Variants in IFT172 observed in about 807,000 individuals in gnomAD.
The protein encoded by IFT172 is intraflagellar transport 172.
A neutral mutation model predicts 248.9 loss-of-function variants in IFT172; 164 were observed. The observed-to-expected ratio is 0.66, with a 90% confidence interval of 0.58 to 0.75. IFT172 has a LOEUF of 0.75. IFT172 is among the 30% of genes least tolerant of loss of function. The pLI is 0.00. For missense variants in IFT172, 1,950 were observed against 2,192.4 expected, an observed-to-expected ratio of 0.89 and a Z score of 2.21; for synonymous variants, 729 against 791.6, an observed-to-expected ratio of 0.92 and a Z score of 1.33.
At chr2:27,453,765 GGGCA>G in intron 33 of IFT172, 26 bp from the exon 34 acceptor site, 1 of 1,599,682 alleles carries the variant, frequency 6.3e-7, no homozygotes, top group Non-Finnish European at 8.5e-7. Flanking sequence ...GGTATCAAGA[GGGCA>G]GAGGCAGGCC....
In IFT172 at chr2:27,445,400, T is replaced by A; in HGVS notation, c.4964A>T (p.Asp1655Val). Residue 1655 changes from aspartate (D) to valine (V), a missense_variant, in exon 46 of 48, where the codon GAC becomes GTC. By Grantham distance (152) the Asp-to-Val change is radical. Around this residue, in one of 3 missense-constraint regions of IFT172, gnomAD observed 620 missense variants for 699.0 expected, o/e 0.89. Transcript: ENST00000260570. The surrounding 1 kb of genome is among the most constrained non-coding windows in gnomAD (Gnocchi z 4.4). ...VRDWVLTVSMDQRLEQVLPRD... is the reference protein window; with the variant it reads ...VRDWVLTVSMVQRLEQVLPRD... ...AGGCAGAACCTGCTCCAGCCGCTGGTCCATGGAGACTGTAAGCACCCAGTC... is the reference window on the plus strand; with the variant it reads ...AGGCAGAACCTGCTCCAGCCGCTGGACCATGGAGACTGTAAGCACCCAGTC... 2 of 1,612,662 alleles carry A rather than the reference T, an allele frequency of 1.2e-6. No individual in the cohort carries two copies.
rs1666785241 is a variant in IFT172 at position 27,462,805 on chromosome 2, A to G, written c.2023-12T>C. The G allele has an allele frequency of 6.2e-7, 1 of 1,613,658 alleles. No homozygotes were observed. Among genetic ancestry groups the G allele is most frequent in the Non-Finnish European group, 8.5e-7 (1 of 1,179,594 alleles). ...GTTCCTTCTCCGCCCTGTGGGGGAAAAAGGAGGTTCTGATTTTTCTGTAGG... is the reference window on the plus strand; with the variant it reads ...GTTCCTTCTCCGCCCTGTGGGGGAAGAAGGAGGTTCTGATTTTTCTGTAGG... On this transcript the variant is annotated splice_polypyrimidine_tract_variant and intron_variant, in intron 19 of 47. Coordinates refer to ENST00000260570, the MANE Select transcript of IFT172 (RefSeq NM_015662.3).
At chr2:27,482,674 A>G (rs1016428787) in intron 7 of IFT172, among the ~76,000 whole-genome samples, 1 of 151,494 alleles carries the variant, frequency 6.6e-6, no homozygotes, top group Non-Finnish European at 1.5e-5. Context: ...TCCCCTTTCC[A>G]GAGTAAACTA....
Position 27,465,776 on chromosome 2 carries a change from C to T in IFT172, c.1799G>A (p.Gly600Glu). 1 of 1,614,112 alleles carries T rather than the reference C, an allele frequency of 6.2e-7. No homozygotes were observed. ...YTLDEGLIEF[G>E]TAIDDGNYIR... The stretch of plus-strand genomic sequence containing the variant: ...GTAGTTGCCATCATCAATGGCTGTT[C>T]CAAACTCGATGAGGCCCTCATCCAA... Residue 600 changes from glycine (G) to glutamate (E), a missense_variant, in exon 17 of 48, where the codon GGA (glycine) becomes GAA (glutamate). This residue lies in a region of IFT172 where 1,166 missense variants were observed against 1,254.1 expected (regional missense o/e 0.93). Transcript: ENST00000260570.
rs745627573 is a variant in IFT172, at chr2:27,480,211, T to G, written c.786-62A>C. On this transcript the variant is annotated intron_variant, in intron 8 of 47. Transcript: ENST00000260570. ...GCTGAGCTAAAGAGTGCAAATGGGC[T>G]GATAACCAAAGGAAATTAGTCTTGC... is the stretch of plus-strand genomic sequence containing the variant. 9 of 1,533,968 alleles carry G rather than the reference T, an allele frequency of 5.9e-6. No individual in the cohort carries two copies. The Admixed American group carries it at 1.7e-4, about 28-fold the overall frequency.
At chr2:27,449,845 G>T in intron 36 of IFT172, 45 bp from the exon 37 acceptor site, 1 of 1,503,936 alleles carries the variant, frequency 6.6e-7, no homozygotes, top group Non-Finnish European at 9.2e-7. Context: ...CTCGCTCCCA[G>T]TCTTCCCACT....
In IFT172 at chr2:27,453,555, C is replaced by CA. The variant is rs770006617; in HGVS notation, c.3822-43dup. 14 of 1,610,938 alleles carry CA rather than the reference C, an allele frequency of 8.7e-6. No individual in the cohort carries two copies. The East Asian group carries it at 2.7e-4, about 31-fold the overall frequency. ...GCTGGGACTTGGCATGGTAGGGGGGCAGCATGCTCTATCCTGTGTATGCCT... is the reference window on the plus strand; with the variant it reads ...GCTGGGACTTGGCATGGTAGGGGGGCAAGCATGCTCTATCCTGTGTATGCCT... On this transcript the variant is annotated intron_variant, in intron 34 of 47. Transcript: ENST00000260570.
chr2:27,468,766 A>G (rs1368718177), intron 16 of IFT172, among the ~76,000 whole-genome samples: 10 of 150,636 alleles, frequency 6.6e-5, no homozygotes, highest in Non-Finnish European at 1.3e-4. Context: ...GGAGAATGGC[A>G]TGAACCCAGG....
At position 27,489,734 on chromosome 2, in the gene IFT172, G is replaced by A. The variant is rs935375511; in HGVS notation, c.-81C>T. The stretch of plus-strand genomic sequence containing the variant: ...GGACAACCCGCCACGCAGCCGCAGC[G>A]ACAGGCACTGACGCTTATGCGACCG... On this transcript the variant is annotated 5_prime_UTR_variant, in exon 1 of 48. Coordinates refer to ENST00000260570, the MANE Select transcript of IFT172 (RefSeq NM_015662.3). 13 of 1,069,614 alleles carry A rather than the reference G, an allele frequency of 1.2e-5. No homozygotes were observed. Among genetic ancestry groups the A allele is most frequent in the Non-Finnish European group, 1.7e-5 (12 of 703,522 alleles). The allele number at this position is 1,069,614 out of a possible 1,614,324, so 66.3% of individuals were successfully genotyped here. A position where few individuals can be genotyped will look rare whatever the true frequency, so the allele number is the denominator to read the frequency against.
chr2:27,450,276 C>G (rs537691270), intron 35 of IFT172, among the ~76,000 whole-genome samples, 180 bp from the exon 36 acceptor site: 7 of 152,328 alleles, frequency 4.6e-5, no homozygotes, highest in Non-Finnish European at 8.8e-5. Context: ...CTTTGATTAG[C>G]CATCAGTGGA....
chr2:27,464,191 T>C (rs1389294819), intron 18 of IFT172, among the ~76,000 whole-genome samples: 1 of 152,158 alleles, frequency 6.6e-6, no homozygotes, highest in Non-Finnish European at 1.5e-5. Flanking sequence ...ACTGATAATC[T>C]ACATGTGGGA....
intron 21 of IFT172, 87 bp downstream of exon 21, chr2:27,461,671 TG>T: frequency 6.4e-7 from 1 of 1,570,296 alleles, no homozygotes; most frequent in Admixed American, 1.7e-5. Context: ...AACCCTGTTC[TG>T]GTTTCTATGG....
Position 27,446,003 on chromosome 2 carries a change from A to G in IFT172, c.4756-15T>C, listed in dbSNP as rs1195545186. The G allele has an allele frequency of 6.2e-7, 1 of 1,614,196 alleles. No individual in the cohort carries two copies. The highest frequency in any genetic ancestry group is 1.1e-5 in the South Asian group (1 of 91,082). On this transcript the variant is annotated splice_polypyrimidine_tract_variant and intron_variant, in intron 43 of 47. Transcript: ENST00000260570. The stretch of plus-strand genomic sequence containing the variant: ...CAGCCAACTGCCTGCAGCAAAGAAG[A>G]GTTGCAAATGGGAGTGAACAAGCTG...
In IFT172 at chr2:27,454,703, C is replaced by T. The variant is rs545983100; in HGVS notation, c.3372-43G>A. The T allele has an allele frequency of 2.5e-5, 39 of 1,540,220 alleles. 1 individual carries two copies. Among genetic ancestry groups the T allele is most frequent in the African/African-American group, 1.9e-4 (14 of 73,484 alleles). On this transcript the variant is annotated intron_variant, in intron 30 of 47. Transcript: ENST00000260570. This position sits in a 1 kb window ranked among gnomAD's most constrained non-coding sequence, Gnocchi z 4.2. ...GATAAAGTTTTCTTGCTTCATGCTT[C>T]CCTTCATAAAAGGAACAAGACAAAA...
rs759058747 is a variant in IFT172, at chr2:27,485,044, G to T, written c.270C>A (p.Ile90=). The change falls in exon 3 of 48, where the codon ATC becomes ATA. Residue 90 remains isoleucine (I), a synonymous_variant. Transcript: ENST00000260570. Reference sequence around the variant, plus strand: ...AATCTTCTCCAATCTTGTAGACATAGATGATGTTGTCAGTCTGTCCTATGG... The same window carrying T: ...AATCTTCTCCAATCTTGTAGACATATATGATGTTGTCAGTCTGTCCTATGG... ...KIAIGQTDNI[I]YVYKIGEDWG... is the part of the protein sequence containing the mutation. 11 of 1,595,874 alleles carry T rather than the reference G, an allele frequency of 6.9e-6. No individual in the cohort carries two copies. Among genetic ancestry groups the T allele is most frequent in the Non-Finnish European group, 8.6e-6 (10 of 1,163,818 alleles).
At chr2:27,480,243 A>C in intron 8 of IFT172, 94 bp from the exon 9 acceptor site, 1 of 1,454,324 alleles carries the variant, frequency 6.9e-7, no homozygotes, top group South Asian at 1.5e-5. Context: ...TTGCTATATC[A>C]GAAAAGAAAG....
chr2:27,448,225 G>A (rs1472198931), intron 40 of IFT172, among the ~76,000 whole-genome samples: 1 of 151,888 alleles, frequency 6.6e-6, no homozygotes, highest in African/African-American at 2.4e-5. Flanking sequence ...TCAGCCTCCC[G>A]AGTAGCTGGG....
At position 27,481,158 on chromosome 2, in the gene IFT172, C is replaced by G. The variant is rs767999703; in HGVS notation, c.673G>C (p.Glu225Gln). The G allele has an allele frequency of 3.1e-6, 5 of 1,613,692 alleles. No individual in the cohort carries two copies. In the Admixed American group the frequency reaches 8.3e-5, roughly 27 times the overall value. ...CDRKIVAYGKEGHMLQTFDYS... is the reference protein window; with the variant it reads ...CDRKIVAYGKQGHMLQTFDYS... ...TCAAAAGTTTGTAGCATGTGACCTT[C>G]TTTTCCATAGGCTACAATTTTCCGA... Residue 225 changes from glutamate to glutamine, a missense_variant, in exon 8 of 48, where the codon GAA becomes CAA. By Grantham distance (29) the Glu-to-Gln change is conservative (BLOSUM62 2). Transcript: ENST00000260570.
intron 1 of IFT172, among the ~76,000 whole-genome samples, chr2:27,488,314 C>T (rs768183645): frequency 8.5e-5 from 13 of 152,050 alleles, no homozygotes; most frequent in Non-Finnish European, 1.5e-4. Context: ...CTGCCACGCC[C>T]GGCTAATTTT....
Sources: allele counts gnomAD v4.1 joint callset (sites outside exome capture counted in the v4.1 genomes callset), GRCh38; gene constraint gnomAD v4.1.1; regional missense constraint gnomAD v4.1.1; non-coding constraint Gnocchi (gnomAD v3.1); transcripts MANE v1.5; gene names NCBI Gene and HGNC (gene_info 2026-07-23, HGNC 2026-07-21).